The following MPV17 variants were observed in gnomAD, a reference collection of about 807,000 sequenced individuals.
MPV17 encodes mitochondrial inner membrane protein MPV17, also known as MPV17, mitochondrial inner membrane protein.
Under a neutral mutation model 28.6 loss-of-function variants are expected in MPV17, and 31 were observed. The observed-to-expected ratio is 1.08, with a 90% confidence interval of 0.81 to 1.46. MPV17 has a LOEUF of 1.46. Ranked by LOEUF, MPV17 falls within the 40% of genes most tolerant of loss-of-function variation. The pLI is 0.00. For synonymous variants in MPV17, 87 were observed against 85.3 expected (o/e 1.02, Z -0.11); for missense variants, 198 against 216.2 (o/e 0.92, Z 0.53).
chr2:27,310,067 G>A (rs2148212438), intron 7 of MPV17, 86 bp from the exon 8 acceptor site: 3 of 1,031,544 alleles, frequency 2.9e-6, no homozygotes, highest in South Asian at 2.6e-5. Flanking sequence ...TGGCAAAGGA[G>A]GGATCATGAC....
chr2:27,322,825 A>G (rs1679907304), intron 1 of MPV17, among the ~76,000 whole-genome samples: 1 of 152,194 alleles, frequency 6.6e-6, no homozygotes, highest in Admixed American at 6.5e-5. Flanking sequence ...GACACTCATG[A>G]GGACAGCTTT....
At chr2:27,322,570 G>A in intron 1 of MPV17, 48 bp from the exon 2 acceptor site, 3 of 1,501,828 alleles carry the variant, frequency 2.0e-6, no homozygotes, top group Non-Finnish European at 2.8e-6. Flanking sequence ...CCCTCTCCAC[G>A]ACTAAGAAGC....
At chr2:27,319,016 C>G (rs770389368) in intron 2 of MPV17, among the ~76,000 whole-genome samples, 1 of 152,198 alleles carries the variant, frequency 6.6e-6, no homozygotes, top group African/African-American at 2.4e-5. Flanking sequence ...CCGCCCACCT[C>G]AGCCTCCCAA....
At position 27,312,281 on chromosome 2, in the gene MPV17, C is replaced by T. The variant is rs372125579; in HGVS notation, c.376-35G>A. ...CAGAGAAGGAACAAATTAACACTTG[C>T]GCCTCCAAGCAGCTCCCACTTCCCA... On this transcript the variant is annotated intron_variant, in intron 5 of 7. Transcript: ENST00000380044. 59 of 1,610,918 alleles carry T rather than the reference C, an allele frequency of 3.7e-5. 1 individual carries two copies. The highest frequency in any genetic ancestry group is 3.4e-4 in the South Asian group (31 of 90,992).
intron 6 of MPV17, 46 bp from the exon 7 acceptor site, chr2:27,311,997 C>A (rs753352473): frequency 1.2e-6 from 2 of 1,605,056 alleles, no homozygotes; most frequent in Non-Finnish European, 1.7e-6. Flanking sequence ...CACCACCTGA[C>A]CCCAGACTCA....
intron 2 of MPV17, among the ~76,000 whole-genome samples, chr2:27,318,772 CTTTTT>C (rs540241473): frequency 6.6e-6 from 1 of 150,734 alleles, no homozygotes; most frequent in Non-Finnish European, 1.5e-5. Context: ...CTTTTCTTTT[CTTTTT>C]TTTTGGAGAT....
chr2:27,316,998 A>C, intron 2 of MPV17: 1 of 1,360,776 alleles, frequency 7.3e-7, no homozygotes, highest in African/African-American at 1.5e-5. Flanking sequence ...CACTAGTGGA[A>C]AAGCCCCAAC....
At chr2:27,312,071 C>T (rs551875613) in intron 6 of MPV17, 120 bp from the exon 7 acceptor site, 1 of 1,467,060 alleles carries the variant, frequency 6.8e-7, no homozygotes, top group Non-Finnish European at 9.5e-7. Context: ...TGGGTGATGG[C>T]TTCCCTATTT....
chr2:27,311,869 C>T (rs1387410159), intron 7 of MPV17, 30 bp downstream of exon 7: 1 of 1,612,380 alleles, frequency 6.2e-7, no homozygotes, highest in African/African-American at 1.3e-5. Flanking sequence ...GTGGGTCTTC[C>T]TTGATGGGTG....
chr2:27,310,864 C>T (rs1679408226), intron 7 of MPV17, among the ~76,000 whole-genome samples: 1 of 152,076 alleles, frequency 6.6e-6, no homozygotes, highest in African/African-American at 2.4e-5. Flanking sequence ...CCTCCCTCAG[C>T]CTCCCGAGTA....
chr2:27,312,032 C>A lies in MPV17; in HGVS notation c.409-81G>T, dbSNP rs1679463826. On this transcript the variant is annotated intron_variant, in intron 6 of 7. Transcript: ENST00000380044. Reference sequence around the variant, plus strand: ...ACTGTCTTGCCTGGCCCTACCCCAACTTCTGCACACAAGAAAAAGGTGAAC... The same window carrying A: ...ACTGTCTTGCCTGGCCCTACCCCAAATTCTGCACACAAGAAAAAGGTGAAC... The A allele has an allele frequency of 3.2e-6, 5 of 1,541,558 alleles. No individual in the cohort carries two copies. In the South Asian group the frequency reaches 5.7e-5, roughly 18 times the overall value.
At chr2:27,322,225 A>T (rs1572554795) in intron 2 of MPV17, 1 of 595,486 alleles carries the variant, frequency 1.7e-6, no homozygotes, top group East Asian at 2.8e-5. Context: ...GGACTTTGAA[A>T]TCCTAAAACC....
intron 2 of MPV17, 156 bp downstream of exon 2, chr2:27,322,292 C>G (rs1679889310): frequency 1.3e-6 from 1 of 741,766 alleles, no homozygotes. Flanking sequence ...TGGGGACCAC[C>G]CTCCAAAACA....
At chr2:27,321,418 C>T (rs1122227) in intron 2 of MPV17, among the ~76,000 whole-genome samples, 42,516 of 152,160 alleles carry the variant, frequency 0.28, 6,729 homozygotes, top group African/African-American at 0.41. Context: ...TGTGCCGATG[C>T]AGGGCTGTTC....
intron 2 of MPV17, among the ~76,000 whole-genome samples, chr2:27,314,457 C>T (rs1021248165): frequency 3.3e-5 from 5 of 152,152 alleles, no homozygotes; most frequent in Non-Finnish European, 7.3e-5. Flanking sequence ...ACCAAGATTT[C>T]CCCCATTCAC....
chr2:27,310,630 C>G (rs1269909468), intron 7 of MPV17, among the ~76,000 whole-genome samples: 1 of 152,250 alleles, frequency 6.6e-6, no homozygotes, highest in Non-Finnish European at 1.5e-5. Flanking sequence ...AATGTACGGA[C>G]TATCATATAA....
intron 7 of MPV17, chr2:27,311,345 G>A (rs1274137027): frequency 1.6e-5 from 8 of 506,004 alleles, no homozygotes; most frequent in Non-Finnish European, 2.5e-5. Flanking sequence ...ACAGGTGTGA[G>A]CCACCGTGCC....
At chr2:27,318,013 T>C (rs753800389) in intron 2 of MPV17, among the ~76,000 whole-genome samples, 3 of 152,316 alleles carry the variant, frequency 2.0e-5, no homozygotes, top group Admixed American at 6.5e-5. Flanking sequence ...GCAGTGACTA[T>C]GCATGTGTGA....
intron 7 of MPV17, chr2:27,311,591 G>A: frequency 6.4e-7 from 1 of 1,550,496 alleles, no homozygotes; most frequent in African/African-American, 1.4e-5. Context: ...CTAGGCTGCA[G>A]CACCCCAGCC....
Sources: gnomAD v4.1 joint callset for allele counts (sites outside exome capture counted in the v4.1 genomes callset) on GRCh38, gnomAD v4.1.1 for gene constraint, MANE v1.5 for transcripts, NCBI Gene and HGNC (gene_info 2026-07-23, HGNC 2026-07-21) for gene names.